PCDH7: variants seen among roughly 807,000 people sequenced by gnomAD.
The protein encoded by PCDH7 is protocadherin-7.
PCDH7 carries 17 observed loss-of-function variants against 58.9 expected under a neutral mutation model. The observed-to-expected ratio is 0.29, with a 90% CI of 0.20 to 0.43. The LOEUF (loss-of-function observed/expected upper bound fraction) is 0.43. Ranked by LOEUF, PCDH7 falls within the 20% of genes least tolerant of loss-of-function variation. PCDH7 has a pLI of 1.00. For synonymous variants in PCDH7, 664 were observed against 616.4 expected (o/e 1.08, Z -1.14); for missense variants, 1,274 against 1,441.0 (o/e 0.88, Z 1.88).
rs143951859 is a variant in PCDH7, at chr4:30,747,400, C to T, written c.70+22804C>T. On this transcript the variant is annotated intron_variant, in intron 1 of 3. Transcript: ENST00000509759. ...ACTTTTTTATTTTAAATGGCTCTTA[C>T]GGTCAAAAGTCAGAAATGGGTCTCA... Among the ~76,000 whole-genome samples, 639 of 152,272 alleles carry T rather than the reference C, an allele frequency of 4.2e-3. 2 individuals carry two copies. Among genetic ancestry groups the T allele is most frequent in the African/African-American group, 0.014 (577 of 41,544 alleles).
At chr4:31,037,315 A>G (rs1755498096) in intron 3 of PCDH7, among the ~76,000 whole-genome samples, 1 of 152,208 alleles carries the variant, frequency 6.6e-6, no homozygotes, top group African/African-American at 2.4e-5. Flanking sequence ...ATTAAATTAA[A>G]TAAATTCATG....
chr4:30,948,462 A>G (rs572453628), intron 2 of PCDH7, among the ~76,000 whole-genome samples: 255 of 152,230 alleles, frequency 1.7e-3, no homozygotes, highest in African/African-American at 5.8e-3. Flanking sequence ...AATGTACAAA[A>G]AATTAGGTTT....
chr4:30,815,485 A>C (rs1474769292), intron 1 of PCDH7, among the ~76,000 whole-genome samples: 1 of 152,118 alleles, frequency 6.6e-6, no homozygotes, highest in Non-Finnish European at 1.5e-5. Context: ...ATACAATGAC[A>C]TGTTTCCAGG....
At chr4:30,775,020 G>T (rs913352351) in intron 1 of PCDH7, among the ~76,000 whole-genome samples, 2 of 152,116 alleles carry the variant, frequency 1.3e-5, no homozygotes, top group African/African-American at 2.4e-5. Flanking sequence ...TAACTTGAAT[G>T]GAATCTTTTA....
At chr4:30,976,557 C>T (rs1195610535) in intron 3 of PCDH7, among the ~76,000 whole-genome samples, 1 of 151,318 alleles carries the variant, frequency 6.6e-6, no homozygotes, top group Non-Finnish European at 1.5e-5. Flanking sequence ...CCTGCCACCA[C>T]CCCCAGCTAA....
chr4:30,951,501 A>G (rs954528772), intron 3 of PCDH7, among the ~76,000 whole-genome samples: 6 of 152,070 alleles, frequency 3.9e-5, no homozygotes, highest in Admixed American at 3.9e-4. Flanking sequence ...TGTGCTCTGC[A>G]TCTTTCCCAG....
At chr4:30,915,981 A>G (rs1742421055) in intron 1 of PCDH7, among the ~76,000 whole-genome samples, 1 of 152,174 alleles carries the variant, frequency 6.6e-6, no homozygotes, top group Non-Finnish European at 1.5e-5. Context: ...GTGTTACAGC[A>G]TGTTGTTTAT....
chr4:31,042,242 T>C (rs1755929968), intron 3 of PCDH7, among the ~76,000 whole-genome samples: 1 of 152,166 alleles, frequency 6.6e-6, no homozygotes, highest in African/African-American at 2.4e-5. Context: ...GATAGGAGGA[T>C]AGCAAAGTCA....
At chr4:31,036,618 T>A (rs1324923070) in intron 3 of PCDH7, among the ~76,000 whole-genome samples, 3 of 152,204 alleles carry the variant, frequency 2.0e-5, no homozygotes. Flanking sequence ...GTGAACTATA[T>A]AATGTTCATT....
chr4:31,124,235 G>A (rs909121754), intron 3 of PCDH7, among the ~76,000 whole-genome samples: 1 of 152,176 alleles, frequency 6.6e-6, no homozygotes, highest in African/African-American at 2.4e-5. Flanking sequence ...GATAACAGCA[G>A]AGAATATATT....
At chr4:31,084,513 T>C (rs1331997546) in intron 3 of PCDH7, among the ~76,000 whole-genome samples, 2 of 151,426 alleles carry the variant, frequency 1.3e-5, no homozygotes, top group African/African-American at 4.9e-5. Flanking sequence ...AGAGGTTTAA[T>C]TGGCTCATGG....
At chr4:30,729,574 C>G (rs1197211681) in intron 1 of PCDH7, among the ~76,000 whole-genome samples, 1 of 151,762 alleles carries the variant, frequency 6.6e-6, no homozygotes, top group Non-Finnish European at 1.5e-5. Flanking sequence ...AAGTTCCTTC[C>G]TAGCAATTAG....
chr4:30,804,016 A>C (rs563198515), intron 1 of PCDH7, among the ~76,000 whole-genome samples: 30 of 152,286 alleles, frequency 2.0e-4, no homozygotes, highest in African/African-American at 7.2e-4. Flanking sequence ...GATCCTCTTC[A>C]TCAGGACAGA....
downstream of PCDH7, among the ~76,000 whole-genome samples, chr4:30,734,576 T>A (rs140635232): frequency 1.5e-4 from 23 of 152,122 alleles, no homozygotes; most frequent in East Asian, 3.9e-3. Context: ...GGCTTTGGAG[T>A]GAAGATACAA....
At chr4:30,839,466 C>T (rs966477918) in intron 1 of PCDH7, among the ~76,000 whole-genome samples, 1 of 152,064 alleles carries the variant, frequency 6.6e-6, no homozygotes, top group Non-Finnish European at 1.5e-5. Flanking sequence ...AGTATGATTT[C>T]GTATTATGCA....
chr4:31,024,337 T>G (rs768931621), intron 3 of PCDH7, among the ~76,000 whole-genome samples: 1 of 152,148 alleles, frequency 6.6e-6, no homozygotes, highest in Non-Finnish European at 1.5e-5. Context: ...GATACTAATA[T>G]CTGCTTAATA....
chr4:30,763,435 G>A (rs1720304627), intron 1 of PCDH7, among the ~76,000 whole-genome samples: 2 of 152,140 alleles, frequency 1.3e-5, no homozygotes, highest in African/African-American at 2.4e-5. Flanking sequence ...TATTTCGAAT[G>A]TCAACAGCTC....
intron 3 of PCDH7, among the ~76,000 whole-genome samples, chr4:31,069,707 T>G (rs1758384719): frequency 6.6e-6 from 1 of 151,928 alleles, no homozygotes; most frequent in Admixed American, 6.6e-5. Flanking sequence ...AATATGAAAT[T>G]TTTCTTATTA....
In PCDH7 at chr4:30,722,682, T is replaced by A; in HGVS notation, c.1260T>A (p.Ile420=). Residue 420 remains isoleucine (I), a synonymous_variant, in exon 1 of 2, where the codon ATT becomes ATA. Coordinates refer to ENST00000361762, the Ensembl canonical transcript of PCDH7. This position sits in a 1 kb window ranked among gnomAD's most constrained non-coding sequence, Gnocchi z 7.6. ...TGCCGTCCATTGAAATCCGCAAGAT[T>A]GGGCGCATCCCCCTCAAGGACGGGG... The A allele has an allele frequency of 6.2e-7, 1 of 1,613,602 alleles. No individual in the cohort carries two copies. The highest frequency in any genetic ancestry group is 8.5e-7 in the Non-Finnish European group (1 of 1,180,022).
Sources: allele counts gnomAD v4.1 joint callset (sites outside exome capture counted in the v4.1 genomes callset), GRCh38; gene constraint gnomAD v4.1.1; non-coding constraint Gnocchi (gnomAD v3.1); transcripts MANE v1.5; gene names NCBI Gene and HGNC (gene_info 2026-07-23, HGNC 2026-07-21).